TNFSF4: variants seen among roughly 807,000 people sequenced by gnomAD.
TNFSF4 encodes TNF superfamily member 4.
Under a neutral mutation model 7.3 loss-of-function variants are expected in TNFSF4, and 4 were observed. The ratio of observed to expected loss-of-function variants is 0.55; its 90% CI spans 0.27 to 1.25. TNFSF4 has a LOEUF of 1.25. TNFSF4 is among the 50% of genes most tolerant of loss of function. The probability of loss-of-function intolerance (pLI) is 0.12; values close to 1 mark genes in which losing one functional copy is unlikely to be tolerated. For missense variants in TNFSF4, 181 were observed against 208.8 expected (o/e 0.87, Z 0.82); for synonymous variants, 76 against 83.7 (o/e 0.91, Z 0.50).
the TNFSF4 span, among the ~76,000 whole-genome samples, chr1:173,342,655 C>G: frequency 6.6e-6 from 1 of 152,182 alleles, no homozygotes; most frequent in East Asian, 1.9e-4. Flanking sequence ...CCTCCCTCCT[C>G]CCTCTTAACA....
chr1:173,394,963 C>T, the TNFSF4 span, among the ~76,000 whole-genome samples: 96,762 of 149,888 alleles, frequency 0.65, 31,674 homozygotes, highest in African/African-American at 0.76. Flanking sequence ...GACAGACAGA[C>T]AGACAGATAG....
chr1:173,364,187 A>G, the TNFSF4 span, among the ~76,000 whole-genome samples: 3 of 147,930 alleles, frequency 2.0e-5, no homozygotes, highest in African/African-American at 7.5e-5. Context: ...TAATTTAATT[A>G]TACTATATCT....
chr1:173,183,276 G>A (rs1021920820), downstream of TNFSF4, among the ~76,000 whole-genome samples: 11 of 152,076 alleles, frequency 7.2e-5, no homozygotes, highest in African/African-American at 2.7e-4. Context: ...AAAAAGCTGG[G>A]GAACAGAAGT....
the TNFSF4 span, chr1:173,362,834 C>A: frequency 1.6e-5 from 7 of 437,866 alleles, no homozygotes; most frequent in Admixed American, 1.9e-4. Flanking sequence ...GCAAGACAAG[C>A]TGAACATTGG....
upstream of TNFSF4, among the ~76,000 whole-genome samples, chr1:173,209,624 C>T (rs1285571189): frequency 6.6e-6 from 1 of 152,126 alleles, no homozygotes; most frequent in Admixed American, 6.5e-5. Flanking sequence ...CCTGCCTCAG[C>T]CTCCCAAGTA....
chr1:173,372,850 A>T, the TNFSF4 span, among the ~76,000 whole-genome samples: 1 of 152,216 alleles, frequency 6.6e-6, no homozygotes, highest in Non-Finnish European at 1.5e-5. Flanking sequence ...GCCCAGACTT[A>T]TGCCACCCAG....
At chr1:173,356,322 G>T in the TNFSF4 span, among the ~76,000 whole-genome samples, 1 of 151,994 alleles carries the variant, frequency 6.6e-6, no homozygotes, top group Admixed American at 6.6e-5. Context: ...GATGAGAAGG[G>T]GTATTAGAAT....
At chr1:173,251,640 T>A in the TNFSF4 span, among the ~76,000 whole-genome samples, 1 of 152,232 alleles carries the variant, frequency 6.6e-6, no homozygotes, top group Non-Finnish European at 1.5e-5. Flanking sequence ...TTAATCTAAG[T>A]GTTATTTTCC....
At chr1:173,343,391 T>A in the TNFSF4 span, among the ~76,000 whole-genome samples, 1 of 152,094 alleles carries the variant, frequency 6.6e-6, no homozygotes, top group Non-Finnish European at 1.5e-5. Flanking sequence ...GAAACCATTA[T>A]AAGCAGAGGG....
chr1:173,428,440 AAC>A, the TNFSF4 span, among the ~76,000 whole-genome samples: 1 of 152,226 alleles, frequency 6.6e-6, no homozygotes, highest in Non-Finnish European at 1.5e-5. Context: ...AGGATAACAA[AAC>A]AGAGAGGGAC....
chr1:173,410,659 G>A, the TNFSF4 span, among the ~76,000 whole-genome samples: 2 of 152,214 alleles, frequency 1.3e-5, no homozygotes, highest in African/African-American at 4.8e-5. Context: ...GTCTAAGTGA[G>A]CCCACGTGGT....
At chr1:173,217,724 C>T in the TNFSF4 span, among the ~76,000 whole-genome samples, 1 of 152,066 alleles carries the variant, frequency 6.6e-6, no homozygotes, top group East Asian at 1.9e-4. Context: ...TTAATTTTAT[C>T]TGTTTCTTTC....
At chr1:173,447,568 A>G in the TNFSF4 span, among the ~76,000 whole-genome samples, 1 of 152,194 alleles carries the variant, frequency 6.6e-6, no homozygotes, top group East Asian at 1.9e-4. Flanking sequence ...TAGTCTTTTT[A>G]AAGATTTTTT....
chr1:173,333,004 C>T, the TNFSF4 span, among the ~76,000 whole-genome samples: 2 of 152,272 alleles, frequency 1.3e-5, no homozygotes, highest in South Asian at 4.1e-4. Context: ...CACAAACAAC[C>T]AGTAAAGAAT....
rs188203790 is a variant in TNFSF4 at position 173,205,512 on chromosome 1, G to A, written c.153+1512C>T. On this transcript the variant is annotated intron_variant, in intron 1 of 2. Transcript: ENST00000281834. ...CTTTTGCTCTCTCCTGCTCAGAGCC[G>A]TTGTGCAATCAGTTAGCCTTGAATG... The A allele has an allele frequency of 9.6e-4, 1,347 of 1,402,402 alleles. 2 individuals are homozygous for A. Among genetic ancestry groups the A allele is most frequent in the Middle Eastern group, 2.7e-3 (12 of 4,396 alleles). 86.9% of individuals were successfully genotyped at this position (1,402,402 alleles called of 1,614,324 possible). A position where few individuals can be genotyped will look rare whatever the true frequency, so the allele number is the denominator to read the frequency against.
the TNFSF4 span, among the ~76,000 whole-genome samples, chr1:173,269,081 G>A: frequency 2.0e-5 from 3 of 152,002 alleles, no homozygotes; most frequent in Non-Finnish European, 2.9e-5. Context: ...TTATGTGCAC[G>A]TGACTTACTA....
intron 1 of TNFSF4, among the ~76,000 whole-genome samples, chr1:173,193,703 G>A (rs1649577590): frequency 7.0e-6 from 1 of 143,420 alleles, no homozygotes. Context: ...CTCATCATGA[G>A]AAAGAAAAGG....
chr1:173,339,859 A>C, the TNFSF4 span, among the ~76,000 whole-genome samples: 1 of 152,214 alleles, frequency 6.6e-6, no homozygotes, highest in African/African-American at 2.4e-5. Context: ...ATAGATGCCA[A>C]GTTAATCAGG....
chr1:173,324,757 G>A, the TNFSF4 span, among the ~76,000 whole-genome samples: 1 of 152,052 alleles, frequency 6.6e-6, no homozygotes, highest in Non-Finnish European at 1.5e-5. Context: ...AAGATCAAAA[G>A]AGACAAAGAA....
Sources: gnomAD v4.1 joint callset for allele counts (sites outside exome capture counted in the v4.1 genomes callset) on GRCh38, gnomAD v4.1.1 for gene constraint, MANE v1.5 for transcripts, NCBI Gene and HGNC (gene_info 2026-07-23, HGNC 2026-07-21) for gene names.